Variants in MDGA2 observed in about 807,000 individuals in gnomAD.
MDGA2 encodes the protein MAM domain-containing glycosylphosphatidylinositol anchor protein 2.
MDGA2 carries 40 observed loss-of-function variants against 117.8 expected under a neutral mutation model. That is an observed-to-expected ratio of 0.34 (90% confidence interval 0.26 to 0.44). The LOEUF is 0.44. Among genes scored for constraint, MDGA2 ranks in the 20% least tolerant of loss-of-function variants. The pLI is 1.00. For synonymous variants in MDGA2, 452 were observed against 439.0 expected (o/e 1.03, Z -0.37); for missense variants, 1,123 against 1,250.6 (o/e 0.90, Z 1.54).
chr14:47,266,618 C>T (rs61993080), intron 2 of MDGA2, among the ~76,000 whole-genome samples: 8,521 of 152,184 alleles, frequency 0.056, 280 homozygotes, highest in Middle Eastern at 0.096. Context: ...AGATTTTCCT[C>T]AGCTCTTCAG....
In MDGA2 at chr14:46,982,397, C is replaced by T. The variant is rs190946855; in HGVS notation, c.1820-24754G>A. Among the ~76,000 whole-genome samples, 709 of 151,692 alleles carry T rather than the reference C, an allele frequency of 4.7e-3. 5 individuals are homozygous for T. Among genetic ancestry groups the T allele is most frequent in the Middle Eastern group, 0.034 (10 of 294 alleles). The stretch of plus-strand genomic sequence containing the variant: ...AATTAGTTTTAATATATTGGTATAA[C>T]CAAAAATTAGTTCCTTTAAAAAACA... On this transcript the variant is annotated intron_variant, in intron 8 of 16. Transcript: ENST00000399232.
chr14:47,564,515 T>G (rs1221516390), intron 1 of MDGA2, among the ~76,000 whole-genome samples: 2 of 152,176 alleles, frequency 1.3e-5, no homozygotes, highest in African/African-American at 4.8e-5. Flanking sequence ...CTCAGGAGAA[T>G]TATTCACTAC....
chr14:47,545,066 C>T (rs1182680357), intron 1 of MDGA2, among the ~76,000 whole-genome samples: 1 of 152,028 alleles, frequency 6.6e-6, no homozygotes, highest in African/African-American at 2.4e-5. Flanking sequence ...CTATGCAACA[C>T]CAAGTTCAAT....
intron 1 of MDGA2, among the ~76,000 whole-genome samples, chr14:47,444,956 T>C (rs1893091358): frequency 6.6e-6 from 1 of 152,168 alleles, no homozygotes; most frequent in Non-Finnish European, 1.5e-5. Context: ...ATTCAAAGTA[T>C]TATGAAATGT....
intron 2 of MDGA2, among the ~76,000 whole-genome samples, chr14:47,223,164 A>T (rs1323597849): frequency 6.6e-6 from 1 of 152,186 alleles, no homozygotes; most frequent in Non-Finnish European, 1.5e-5. Context: ...ATCGGATCCC[A>T]TGTTTAAATT....
chr14:46,960,702 CAT>C (rs1002948424), intron 8 of MDGA2, among the ~76,000 whole-genome samples: 28 of 149,154 alleles, frequency 1.9e-4, no homozygotes, highest in Middle Eastern at 3.5e-3. Context: ...TATATATACA[CAT>C]ATATGTACAT....
chr14:46,953,024 A>G (rs1885423852), intron 9 of MDGA2, among the ~76,000 whole-genome samples: 1 of 151,914 alleles, frequency 6.6e-6, no homozygotes, highest in Non-Finnish European at 1.5e-5. Flanking sequence ...AAACTGCAGT[A>G]TCCCAGAAGA....
chr14:46,870,242 T>G (rs764138188), intron 14 of MDGA2, among the ~76,000 whole-genome samples: 1 of 151,978 alleles, frequency 6.6e-6, no homozygotes, highest in Non-Finnish European at 1.5e-5. Flanking sequence ...ATGAACCTTC[T>G]CAATGGTATA....
At chr14:46,926,051 A>T (rs565432916) in intron 9 of MDGA2, among the ~76,000 whole-genome samples, 157 of 152,216 alleles carry the variant, frequency 1.0e-3, no homozygotes, top group Non-Finnish European at 1.8e-3. Context: ...GACGTAATCC[A>T]TGTGCTTGCA....
intron 1 of MDGA2, among the ~76,000 whole-genome samples, chr14:47,352,461 C>G (rs1890904419): frequency 6.6e-6 from 1 of 151,628 alleles, no homozygotes; most frequent in African/African-American, 2.4e-5. Flanking sequence ...ACCTAGCTGA[C>G]TCTCTTTTTG....
intron 1 of MDGA2, among the ~76,000 whole-genome samples, chr14:47,502,740 T>C (rs1566488089): frequency 6.6e-6 from 1 of 152,104 alleles, no homozygotes; most frequent in Non-Finnish European, 1.5e-5. Flanking sequence ...AGTGGCGTGA[T>C]CATAGATCAC....
intron 1 of MDGA2, among the ~76,000 whole-genome samples, chr14:47,610,286 C>T (rs1896823236): frequency 6.6e-6 from 1 of 152,134 alleles, no homozygotes; most frequent in African/African-American, 2.4e-5. Context: ...CTCACCACTC[C>T]TCTTCAACAT....
At chr14:47,647,684 G>A (rs1178377592) in intron 1 of MDGA2, among the ~76,000 whole-genome samples, 5 of 152,004 alleles carry the variant, frequency 3.3e-5, no homozygotes, top group African/African-American at 9.7e-5. Flanking sequence ...GCCACTTTTC[G>A]CCTACCACAA....
chr14:47,063,320 G>A (rs1889960522), intron 6 of MDGA2, among the ~76,000 whole-genome samples: 1 of 151,918 alleles, frequency 6.6e-6, no homozygotes, highest in African/African-American at 2.4e-5. Context: ...TGCAACTTAT[G>A]AATCTTATTT....
rs142476885 is a variant in MDGA2, at chr14:47,659,008, C to T, written c.280+15509G>A. Among the ~76,000 whole-genome samples the T allele has an allele frequency of 2.8e-4, 43 of 152,288 alleles. No homozygotes were observed. The Middle Eastern group carries it at 0.01, about 36-fold the overall frequency. The stretch of plus-strand genomic sequence containing the variant: ...CCCAACATCACTCTCTAATAAACCA[C>T]CTGCATGTAAACCTTCCACTTGGGG... On this transcript the variant is annotated intron_variant, in intron 1 of 16. Coordinates refer to ENST00000399232, the MANE Select transcript of MDGA2 (RefSeq NM_001113498.3).
intron 1 of MDGA2, among the ~76,000 whole-genome samples, chr14:47,402,027 G>A (rs1179640381): frequency 6.6e-6 from 1 of 152,166 alleles, no homozygotes. Flanking sequence ...GTTAGCACAA[G>A]CGTGTAGTTT....
At chr14:47,654,656 C>T (rs1033406474) in intron 1 of MDGA2, among the ~76,000 whole-genome samples, 7 of 152,000 alleles carry the variant, frequency 4.6e-5, no homozygotes, top group Non-Finnish European at 1.0e-4. Context: ...AAGAGATCTC[C>T]ACCTATGAAG....
intron 5 of MDGA2, among the ~76,000 whole-genome samples, chr14:47,102,394 AACACACACACACACAC>A (rs1280534726): frequency 1.1e-4 from 14 of 128,516 alleles, no homozygotes; most frequent in African/African-American, 4.3e-4. Flanking sequence ...CACACACACA[AACACACACACACACAC>A]ACAAACTAAC....
chr14:47,349,275 T>G (rs553461619), intron 1 of MDGA2, among the ~76,000 whole-genome samples: 1 of 152,346 alleles, frequency 6.6e-6, no homozygotes, highest in South Asian at 2.1e-4. Flanking sequence ...ATGCCTCTTT[T>G]TCGTTTCTTA....
Sources: gnomAD v4.1 joint callset for allele counts (sites outside exome capture counted in the v4.1 genomes callset) on GRCh38, gnomAD v4.1.1 for gene constraint, MANE v1.5 for transcripts, NCBI Gene and HGNC (gene_info 2026-07-23, HGNC 2026-07-21) for gene names.